The following ADAM12 variants were observed in gnomAD, a reference collection of about 807,000 sequenced individuals.
ADAM12 encodes disintegrin and metalloproteinase domain-containing protein 12.
A neutral mutation model predicts 106.4 loss-of-function variants in ADAM12; 70 were observed. The ratio of observed to expected loss-of-function variants is 0.66; its 90% confidence interval spans 0.54 to 0.80. The LOEUF (loss-of-function observed/expected upper bound fraction) is 0.80, where lower values mean the gene tolerates loss of function less well. Among genes scored for constraint, ADAM12 ranks in the 30% least tolerant of loss-of-function variants. The pLI is 0.00. For missense variants in ADAM12, 1,010 were observed against 1,171.9 expected, an observed-to-expected ratio of 0.86 and a Z score of 2.02; for synonymous variants, 420 against 433.5, an observed-to-expected ratio of 0.97 and a Z score of 0.39.
At position 126,099,693 on chromosome 10, in the gene ADAM12, A is replaced by T. The variant is rs181686810; in HGVS notation, c.912-1193T>A. On this transcript the variant is annotated intron_variant, in intron 9 of 22. Transcript: ENST00000448723. The stretch of plus-strand genomic sequence containing the variant: ...TATCCAAGGGTAGGGGCAGGGGGGA[A>T]CCCTGTGAAAATGGCCGAAGTAAAT... 9.1e-4 allele frequency among the ~76,000 whole-genome samples: 139 copies of T among 152,314 alleles called. 2 individuals carry two copies. Among genetic ancestry groups the T allele is most frequent in the Admixed American group, 7.4e-3 (113 of 15,298 alleles).
chr10:126,214,927 C>G (rs913479979), intron 3 of ADAM12, among the ~76,000 whole-genome samples: 14 of 152,202 alleles, frequency 9.2e-5, no homozygotes, highest in Non-Finnish European at 1.9e-4. Context: ...CATCCCTTAC[C>G]CTCACCTTGG....
chr10:126,373,938 AAGTC>A (rs896946429), intron 1 of ADAM12, among the ~76,000 whole-genome samples: 9 of 152,308 alleles, frequency 5.9e-5, no homozygotes, highest in African/African-American at 2.2e-4. Flanking sequence ...TTGAACACAC[AAGTC>A]AGAGAACTCT....
intron 1 of ADAM12, among the ~76,000 whole-genome samples, chr10:126,336,379 C>G (rs1273754348): frequency 1.3e-5 from 2 of 152,220 alleles, no homozygotes; most frequent in African/African-American, 4.8e-5. Flanking sequence ...CTGGTTATCA[C>G]TGGGGGCTCC....
chr10:126,027,182 T>C (rs1025816804), intron 21 of ADAM12, among the ~76,000 whole-genome samples: 2 of 151,996 alleles, frequency 1.3e-5, no homozygotes, highest in Non-Finnish European at 1.5e-5. Context: ...CAGGAAGAAA[T>C]TGAATCCCTG....
chr10:126,121,131 CTATATACTATATATACTA>C (rs372964268), intron 5 of ADAM12, among the ~76,000 whole-genome samples: 1,336 of 81,382 alleles, frequency 0.016, 41 homozygotes, highest in African/African-American at 0.065. Flanking sequence ...AGTATATATA[CTATATACTATATATACTA>C]TATATACTAT....
chr10:126,053,658 C>T lies in ADAM12; in HGVS notation c.1610-3989G>A, dbSNP rs1238289417. On this transcript the variant is annotated intron_variant, in intron 14 of 22. Coordinates refer to ENST00000448723, the MANE Select transcript of ADAM12 (RefSeq NM_001288973.2). This position sits in a 1 kb window ranked among gnomAD's most constrained non-coding sequence, Gnocchi z 4.6. ...AGATTGTCTTAAAAAAAAAACCTCT[C>T]CCACACCGTGGAACAATTTTACTGA... 6.6e-6 allele frequency among the ~76,000 whole-genome samples: 1 copy of T among 152,172 alleles called. No homozygotes were observed. Among genetic ancestry groups the T allele is most frequent in the South Asian group, 2.1e-4 (1 of 4,818 alleles).
intron 19 of ADAM12, 78 bp from the exon 20 acceptor site, chr10:126,038,427 GTGGC>G (rs1337135664): frequency 3.6e-5 from 42 of 1,157,216 alleles, no homozygotes; most frequent in Non-Finnish European, 4.5e-5. Context: ...TTTGCTCATA[GTGGC>G]ACTCAAAAGA....
At position 126,014,787 on chromosome 10, in the gene ADAM12, CT is replaced by C. The variant is rs1443859985; in HGVS notation, c.*2491del. The C allele has an allele frequency of 4.6e-5, 7 of 152,014 alleles. No homozygotes were observed. Among genetic ancestry groups the C allele is most frequent in the Non-Finnish European group, 1.5e-5 (1 of 68,020 alleles). The allele number at this position is 152,014 out of a possible 1,614,324, so 9.4% of individuals were successfully genotyped here. Reference sequence around the variant, plus strand: ...CACATTGACTTTCCAGGTGATGGCCCTACAAAACTCAAACCACCTCTATTAT... The same window carrying C: ...CACATTGACTTTCCAGGTGATGGCCCACAAAACTCAAACCACCTCTATTAT... On this transcript the variant is annotated 3_prime_UTR_variant, in exon 23 of 23. Coordinates refer to ENST00000448723, the MANE Select transcript of ADAM12 (RefSeq NM_001288973.2).
At chr10:126,334,111 C>T (rs1281508607) in intron 1 of ADAM12, among the ~76,000 whole-genome samples, 1 of 152,078 alleles carries the variant, frequency 6.6e-6, no homozygotes, top group African/African-American at 2.4e-5. Context: ...AATTTTATTT[C>T]ACTGCACGGA....
intron 3 of ADAM12, among the ~76,000 whole-genome samples, chr10:126,195,990 GGGC>G (rs2133811694): frequency 6.6e-6 from 1 of 152,250 alleles, no homozygotes; most frequent in South Asian, 2.1e-4. Context: ...TGGCCTCCAG[GGGC>G]CTGTTTCTTA....
rs1953968327 is a variant in ADAM12 at position 126,031,358 on chromosome 10, AC to A, written c.2529+4787del. On this transcript the variant is annotated intron_variant, in intron 21 of 22. Transcript: ENST00000448723. ...GCAAGTGCAGGTTTCAATATCAGAC[AC>A]CCACACAGGTCCAGAAGGGCACATG... is the stretch of plus-strand genomic sequence containing the variant. Among the ~76,000 whole-genome samples the A allele has an allele frequency of 2.0e-5, 3 of 152,346 alleles. No individual in the cohort carries two copies. The South Asian group carries it at 6.2e-4, about 32-fold the overall frequency.
chr10:126,241,172 A>G (rs2133652830), intron 3 of ADAM12, among the ~76,000 whole-genome samples: 1 of 152,210 alleles, frequency 6.6e-6, no homozygotes, highest in East Asian at 1.9e-4. Context: ...AAATAGGCCA[A>G]TCCATAGAGA....
rs114911212 is a variant in ADAM12 at position 126,031,823 on chromosome 10, G to A, written c.2529+4323C>T. ...GAAGATCTCCACCTCTGCAGAAAATGCATAGAGCCTTCTTTAAGATGCAGT... is the reference window on the plus strand; with the variant it reads ...GAAGATCTCCACCTCTGCAGAAAATACATAGAGCCTTCTTTAAGATGCAGT... On this transcript the variant is annotated intron_variant, in intron 21 of 22. Coordinates refer to ENST00000448723, the MANE Select transcript of ADAM12 (RefSeq NM_001288973.2). Among the ~76,000 whole-genome samples, 720 of 152,314 alleles carry A rather than the reference G, an allele frequency of 4.7e-3. 11 individuals carry two copies. The highest frequency in any genetic ancestry group is 0.016 in the African/African-American group (663 of 41,570).
chr10:126,346,316 A>C (rs1336810978), intron 1 of ADAM12, among the ~76,000 whole-genome samples: 4 of 152,128 alleles, frequency 2.6e-5, no homozygotes, highest in Non-Finnish European at 4.4e-5. Flanking sequence ...TTCAGTTTCC[A>C]TGTAGCTGAG....
intron 21 of ADAM12, among the ~76,000 whole-genome samples, chr10:126,024,400 T>G (rs553165858): frequency 1.3e-5 from 2 of 152,200 alleles, no homozygotes; most frequent in Non-Finnish European, 2.9e-5. Flanking sequence ...TTTTTACTTT[T>G]CTATATTTTA....
chr10:126,144,703 T>G (rs1354968347), intron 4 of ADAM12, among the ~76,000 whole-genome samples: 1 of 152,216 alleles, frequency 6.6e-6, no homozygotes, highest in African/African-American at 2.4e-5. Context: ...AACTCAGTTA[T>G]CAGCCGCATC....
chr10:126,248,879 T>C (rs1441768521), intron 3 of ADAM12, among the ~76,000 whole-genome samples: 1 of 151,964 alleles, frequency 6.6e-6, no homozygotes, highest in Non-Finnish European at 1.5e-5. Flanking sequence ...CTAATTTTTG[T>C]ATTTTTAGTA....
chr10:126,276,918 A>C (rs1959278136), intron 3 of ADAM12, among the ~76,000 whole-genome samples: 1 of 152,212 alleles, frequency 6.6e-6, no homozygotes, highest in South Asian at 2.1e-4. Flanking sequence ...TGGAAGGTAC[A>C]TCATTTTCAG....
chr10:126,289,828 G>A (rs11244933), intron 2 of ADAM12, among the ~76,000 whole-genome samples: 37,569 of 152,066 alleles, frequency 0.25, 4,776 homozygotes, highest in South Asian at 0.34. Context: ...TAACTCTGCT[G>A]GACCTCAGTT....
Sources: allele counts gnomAD v4.1 joint callset (sites outside exome capture counted in the v4.1 genomes callset), GRCh38; gene constraint gnomAD v4.1.1; non-coding constraint Gnocchi (gnomAD v3.1); transcripts MANE v1.5; gene names NCBI Gene and HGNC (gene_info 2026-07-23, HGNC 2026-07-21).